Variants in LILRA4 observed in about 807,000 individuals in gnomAD.
LILRA4 encodes leukocyte immunoglobulin-like receptor subfamily A member 4.
LILRA4 carries 51 observed loss-of-function variants against 49.5 expected under a neutral mutation model. The ratio of observed to expected loss-of-function variants is 1.03; its 90% CI spans 0.82 to 1.30. LILRA4 has a LOEUF of 1.30. Ranked by LOEUF, LILRA4 falls within the 50% of genes most tolerant of loss-of-function variation. The pLI, the probability that LILRA4 is intolerant of heterozygous loss-of-function variation, is 0.00. For synonymous variants in LILRA4, 272 were observed against 265.6 expected, an observed-to-expected ratio of 1.02 and a Z score of -0.23; for missense variants, 624 against 625.6, an observed-to-expected ratio of 1.00 and a Z score of 0.03.
At chr19:54,337,743 C>G in intron 4 of LILRA4, 47 bp from the exon 5 acceptor site, 1 of 1,575,244 alleles carries the variant, frequency 6.3e-7, no homozygotes, top group Non-Finnish European at 8.6e-7. Flanking sequence ...GTTCCTCCTG[C>G]GCCCCTTCCT....
At position 54,338,467 on chromosome 19, in the gene LILRA4, C is replaced by G; in HGVS notation, c.284G>C (p.Arg95Pro). Residue 95 changes from arginine to proline, a missense_variant, in exon 3 of 8, where the codon CGA (arginine) becomes CCA (proline). Transcript: ENST00000291759. ...IPSMMWEHAGRYHCYYQSPAG... is the reference protein window; with the variant it reads ...IPSMMWEHAGPYHCYYQSPAG... ...AGGGCTCTGATAGTAACAGTGATAT[C>G]GCCCTGCATGTTCCCACATCATGGA... The G allele has an allele frequency of 6.2e-7, 1 of 1,614,150 alleles. No individual in the cohort carries two copies. Among genetic ancestry groups the G allele is most frequent in the Non-Finnish European group, 8.5e-7 (1 of 1,180,012 alleles).
chr19:54,333,476 C>G lies in LILRA4; in HGVS notation c.*96G>C. The G allele has an allele frequency of 8.3e-7, 1 of 1,205,714 alleles. No individual in the cohort carries two copies. Among genetic ancestry groups the G allele is most frequent in the South Asian group, 1.3e-5 (1 of 78,368 alleles). 74.7% of individuals were successfully genotyped at this position (1,205,714 alleles called of 1,614,324 possible). On this transcript the variant is annotated 3_prime_UTR_variant, in exon 8 of 8. Coordinates refer to ENST00000291759, the MANE Select transcript of LILRA4 (RefSeq NM_012276.5). ...GAAGCATCTTCTACAGACACCCAGA[C>G]ATCTTCCTGCACCTGACCCATGCTT...
At chr19:54,338,357 G>A (rs1205128361) in intron 3 of LILRA4, 39 bp downstream of exon 3, 1 of 1,611,614 alleles carries the variant, frequency 6.2e-7, no homozygotes, top group South Asian at 1.1e-5. Context: ...CCTTCCCGAG[G>A]GCAGAGCCTG....
In LILRA4 at chr19:54,333,380, G is replaced by A. The variant is rs1294370938; in HGVS notation, c.*192C>T. On this transcript the variant is annotated 3_prime_UTR_variant, in exon 8 of 8. Coordinates refer to ENST00000291759, the MANE Select transcript of LILRA4 (RefSeq NM_012276.5). ...TAGGGGTGAAGCCTTACATCATAGG[G>A]AAGAAAAACGAAGGAAGGGGCAGTC... The A allele has an allele frequency of 6.3e-6, 4 of 632,258 alleles. No homozygotes were observed. The highest frequency in any genetic ancestry group is 1.1e-5 in the Non-Finnish European group (4 of 367,244). The allele number at this position is 632,258 out of a possible 1,614,324, so 39.2% of individuals were successfully genotyped here. A position where few individuals can be genotyped will look rare whatever the true frequency, so the allele number is the denominator to read the frequency against.
chr19:54,337,894 G>C (rs1420942565), intron 4 of LILRA4, 42 bp downstream of exon 4: 1 of 1,570,002 alleles, frequency 6.4e-7, no homozygotes. Context: ...CAGCTCACCT[G>C]GTGCCCTGAC....
At chr19:54,337,877 C>T (rs2081347901) in intron 4 of LILRA4, 59 bp downstream of exon 4, 2 of 1,546,262 alleles carry the variant, frequency 1.3e-6, no homozygotes, top group East Asian at 2.3e-5. Flanking sequence ...GAGGGTAAGG[C>T]TCCCAACAGC....
chr19:54,333,803 C>A (rs763460328), intron 7 of LILRA4, 38 bp from the exon 8 acceptor site: 3 of 1,613,382 alleles, frequency 1.9e-6, no homozygotes, highest in Non-Finnish European at 1.7e-6. Flanking sequence ...GAGGTCAGGG[C>A]AGATCACAAT....
rs1429806707 is a variant in LILRA4, at chr19:54,338,700, T to G, written c.71-20A>C. 2 of 1,600,444 alleles carry G rather than the reference T, an allele frequency of 1.2e-6. No homozygotes were observed. Among genetic ancestry groups the G allele is most frequent in the South Asian group, 1.1e-5 (1 of 89,318 alleles). ...GGTTTTCTGGAAGGAAATTACAGGT[T>G]AGGTCCCAAGATGTCCTCAACCCTC... On this transcript the variant is annotated intron_variant, in intron 2 of 7. Transcript: ENST00000291759.
rs201764799 is a variant in LILRA4 at position 54,337,980 on chromosome 19, T to G, written c.611A>C (p.Tyr204Ser). The G allele has an allele frequency of 1.7e-4, 281 of 1,613,724 alleles. No homozygotes were observed. In the East Asian group the frequency reaches 6.0e-3, roughly 35 times the overall value. Residue 204 changes from tyrosine to serine, a missense_variant, in exon 4 of 8, where the codon TAC becomes TCC. By Grantham distance (144) the Tyr-to-Ser change is moderately radical. Coordinates refer to ENST00000291759, the MANE Select transcript of LILRA4 (RefSeq NM_012276.5). ...RCYGYENNTP[Y>S]VWSEPSDPLQ... Reference sequence around the variant, plus strand: ...GGGGTCACTGGGTTCCGACCACACGTATGGGGTGTTGTTTTCATAGCCGTA... The same window carrying G: ...GGGGTCACTGGGTTCCGACCACACGGATGGGGTGTTGTTTTCATAGCCGTA...
At position 54,333,311 on chromosome 19, in the gene LILRA4, GGAGCA is replaced by G; in HGVS notation, c.*256_*260del. 1.9e-6 allele frequency: 1 copy of G among 535,144 alleles called. No individual in the cohort carries two copies. The highest frequency in any genetic ancestry group is 3.1e-5 in the East Asian group (1 of 31,920). 33.1% of individuals were successfully genotyped at this position (535,144 alleles called of 1,614,324 possible). A position where few individuals can be genotyped will look rare whatever the true frequency, so the allele number is the denominator to read the frequency against. ...AAAGAAAGGTGTATTACCTGAAAGT[GGAGCA>G]GAGCATGAGGTCACAGAGGGGCGGA... On this transcript the variant is annotated 3_prime_UTR_variant, in exon 8 of 8. Transcript: ENST00000291759.
Position 54,338,226 on chromosome 19 carries a change from C to T in LILRA4, c.365G>A (p.Arg122Lys). 1 of 1,605,286 alleles carries T rather than the reference C, an allele frequency of 6.2e-7. No homozygotes were observed. Among genetic ancestry groups the T allele is most frequent in the African/African-American group, 1.3e-5 (1 of 74,542 alleles). ...GCTTGGCAGTGCGGACAGGGTGGGT[C>T]TGCTGTAGGCTTTCAAGAGAAAAAA... is the stretch of plus-strand genomic sequence containing the variant. ...PLELVVTAYS[R>K]PTLSALPSPV... The change falls in exon 4 of 8, where the codon AGA becomes AAA. Residue 122 changes from arginine to lysine, a missense_variant. Arg to Lys is a conservative substitution (Grantham distance 26). Coordinates refer to ENST00000291759, the MANE Select transcript of LILRA4 (RefSeq NM_012276.5).
At chr19:54,337,855 G>A (rs1040725857) in intron 4 of LILRA4, 81 bp downstream of exon 4, 38 of 1,487,506 alleles carry the variant, frequency 2.6e-5, no homozygotes, top group South Asian at 7.9e-5. Flanking sequence ...TTCTTCTTGC[G>A]TGGGCTAGCC....
intron 6 of LILRA4, 36 bp downstream of exon 6, chr19:54,336,805 C>T (rs781447643): frequency 2.5e-6 from 4 of 1,610,884 alleles, no homozygotes; most frequent in Admixed American, 3.4e-5. Flanking sequence ...CCAAGAACCC[C>T]TTTGAGCTCA....
In LILRA4 at chr19:54,339,136, C is replaced by A; in HGVS notation, c.-43G>T. On this transcript the variant is annotated 5_prime_UTR_variant, in exon 1 of 8. Transcript: ENST00000291759. Reference sequence around the variant, plus strand: ...GCCCTGGCTGTGCAGGCAGGTGTGGCCACGGTGCCCGTAGACACAGACAGA... The same window carrying A: ...GCCCTGGCTGTGCAGGCAGGTGTGGACACGGTGCCCGTAGACACAGACAGA... The A allele has an allele frequency of 1.2e-6, 2 of 1,612,480 alleles. No homozygotes were observed. Among genetic ancestry groups the A allele is most frequent in the Non-Finnish European group, 1.7e-6 (2 of 1,178,522 alleles).
Position 54,337,991 on chromosome 19 carries a change from G to A in LILRA4, c.600C>T (p.Asn200=). 1.2e-6 allele frequency: 2 copies of A among 1,613,932 alleles called. No homozygotes were observed. Among genetic ancestry groups the A allele is most frequent in the South Asian group, 1.1e-5 (1 of 91,070 alleles). Residue 200 remains asparagine, a synonymous_variant, in exon 4 of 8, where the codon AAC becomes AAT. Transcript: ENST00000291759. ...RGTFRCYGYE[N]NTPYVWSEPS... Reference sequence around the variant, plus strand: ...GTTCCGACCACACGTATGGGGTGTTGTTTTCATAGCCGTAGCATCTGAATG... The same window carrying A: ...GTTCCGACCACACGTATGGGGTGTTATTTTCATAGCCGTAGCATCTGAATG...
chr19:54,338,560 C>T lies in LILRA4; in HGVS notation c.191G>A (p.Gly64Glu), dbSNP rs1385711069. Residue 64 changes from glycine (G) to glutamate (E), a missense_variant, in exon 3 of 8, where the codon GGA (glycine) becomes GAA (glutamate). Transcript: ENST00000291759. ...TAATATGTGCCTCGACATTGAGTTT[C>T]CCTCTTTATCCAGACGGTACCCCTG... ...EAQGYRLDKE[G>E]NSMSRHILKT... The T allele has an allele frequency of 6.2e-7, 1 of 1,614,180 alleles. No individual in the cohort carries two copies. Among genetic ancestry groups the T allele is most frequent in the South Asian group, 1.1e-5 (1 of 91,088 alleles).
In LILRA4 at chr19:54,337,459, G is replaced by A. The variant is rs778703607; in HGVS notation, c.893C>T (p.Ala298Val). The A allele has an allele frequency of 6.8e-6, 11 of 1,612,006 alleles. No individual in the cohort carries two copies. The highest frequency in any genetic ancestry group is 9.3e-6 in the Non-Finnish European group (11 of 1,179,838). Reference protein sequence around the residue: ...SYGGQYRCYGAHNVSSEWSAP... With the variant: ...SYGGQYRCYGVHNVSSEWSAP... ...CGACCACTCGGAGGAGACGTTGTGT[G>A]CGCCGTAGCATCTGTACTGGCCCCC... The change falls in exon 5 of 8, where the codon GCA becomes GTA. Residue 298 changes from alanine to valine, a missense_variant. Physicochemically the swap from Ala to Val is moderately conservative, Grantham distance 64. Transcript: ENST00000291759.
intron 6 of LILRA4, 43 bp downstream of exon 6, chr19:54,336,794 TCCAA>T: frequency 6.3e-7 from 1 of 1,577,032 alleles, no homozygotes. Flanking sequence ...CTTTTTCATT[TCCAA>T]GAACCCCTTT....
chr19:54,338,245 G>GA lies in LILRA4; in HGVS notation c.356-11dup, dbSNP rs752496165. 3.1e-6 allele frequency: 5 copies of GA among 1,598,538 alleles called. No homozygotes were observed. The highest frequency in any genetic ancestry group is 4.3e-6 in the Non-Finnish European group (5 of 1,171,782). On this transcript the variant is annotated splice_polypyrimidine_tract_variant and intron_variant, in intron 3 of 7. Coordinates refer to ENST00000291759, the MANE Select transcript of LILRA4 (RefSeq NM_012276.5). Reference sequence around the variant, plus strand: ...GTGGGTCTGCTGTAGGCTTTCAAGAGAAAAAAAGGCAGCCGTGTTTAAATG... The same window carrying GA: ...GTGGGTCTGCTGTAGGCTTTCAAGAGAAAAAAAAGGCAGCCGTGTTTAAATG...
Sources: allele counts gnomAD v4.1 joint callset, GRCh38; gene constraint gnomAD v4.1.1; transcripts MANE v1.5; gene names NCBI Gene and HGNC (gene_info 2026-07-23, HGNC 2026-07-21).